The following CRPPA variants were observed in gnomAD, a reference collection of about 807,000 sequenced individuals.
CRPPA encodes the protein CDP-L-ribitol pyrophosphorylase A.
Under a neutral mutation model 52.0 loss-of-function variants are expected in CRPPA, and 43 were observed. That is an observed-to-expected ratio of 0.83 (90% CI 0.65 to 1.07). The LOEUF (loss-of-function observed/expected upper bound fraction) is 1.07. Among genes scored for constraint, CRPPA ranks in the 50% least tolerant of loss-of-function variants. The probability of loss-of-function intolerance (pLI) is 0.00; values close to 1 mark genes in which losing one functional copy is unlikely to be tolerated. For missense variants in CRPPA, 629 were observed against 551.7 expected (o/e 1.14, Z -1.40); for synonymous variants, 250 against 203.5 (o/e 1.23, Z -1.94).
chr7:16,318,697 A>G (rs2128426854), intron 3 of CRPPA, among the ~76,000 whole-genome samples: 1 of 152,254 alleles, frequency 6.6e-6, no homozygotes, highest in East Asian at 1.9e-4. Context: ...TAAGGCAATA[A>G]AAGTAGCAAA....
chr7:16,093,481 G>T (rs1055467837), intron 9 of CRPPA, among the ~76,000 whole-genome samples: 1 of 152,160 alleles, frequency 6.6e-6, no homozygotes, highest in African/African-American at 2.4e-5. Flanking sequence ...GGCCATCTCT[G>T]CTTAAAGTGC....
chr7:16,095,012 A>G (rs80108752), intron 9 of CRPPA, among the ~76,000 whole-genome samples: 3,894 of 152,262 alleles, frequency 0.026, 119 homozygotes, highest in East Asian at 0.14. Context: ...TAATACATCA[A>G]TGTTGGTACA....
intron 5 of CRPPA, among the ~76,000 whole-genome samples, chr7:16,294,287 T>C (rs1784627284): frequency 6.6e-6 from 1 of 151,934 alleles, no homozygotes; most frequent in Admixed American, 6.6e-5. Flanking sequence ...CTGGCTTTTG[T>C]CTGATATCAA....
intron 2 of CRPPA, among the ~76,000 whole-genome samples, chr7:16,398,413 G>A (rs562265078): frequency 6.6e-6 from 1 of 152,094 alleles, no homozygotes; most frequent in East Asian, 1.9e-4. Flanking sequence ...CAACATAAGT[G>A]ATTCACACAT....
intron 9 of CRPPA, among the ~76,000 whole-genome samples, chr7:16,103,944 G>T (rs1481734895): frequency 3.3e-5 from 5 of 151,968 alleles, no homozygotes; most frequent in Admixed American, 6.6e-5. Flanking sequence ...TAAACTTAAT[G>T]CAAAAAAAAG....
intron 8 of CRPPA, among the ~76,000 whole-genome samples, chr7:16,217,099 C>G (rs761937579): frequency 5.2e-4 from 78 of 149,670 alleles, no homozygotes; most frequent in East Asian, 1.4e-3. Context: ...GATCTGAGAA[C>G]GGGCAGACTG....
chr7:16,131,233 T>C (rs1309989722), intron 9 of CRPPA, among the ~76,000 whole-genome samples: 3 of 152,172 alleles, frequency 2.0e-5, no homozygotes, highest in South Asian at 4.2e-4. Context: ...TTGAGGTGCA[T>C]ACAAGAAAAA....
intron 9 of CRPPA, among the ~76,000 whole-genome samples, chr7:16,206,166 C>T (rs997732400): frequency 6.6e-6 from 1 of 152,064 alleles, no homozygotes; most frequent in Non-Finnish European, 1.5e-5. Context: ...TATATTTTCA[C>T]AGAAGCATAT....
chr7:16,314,087 G>A (rs1198639176), intron 3 of CRPPA, among the ~76,000 whole-genome samples: 1 of 151,752 alleles, frequency 6.6e-6, no homozygotes, highest in Non-Finnish European at 1.5e-5. Flanking sequence ...GCCCATTTCT[G>A]ACAGAGGGGT....
rs1433858083 is a variant in CRPPA at position 16,234,634 on chromosome 7, CCTT to C, written c.1120-18440_1120-18438del. On this transcript the variant is annotated intron_variant, in intron 8 of 9. Transcript: ENST00000407010. ...TTTTATTATTTCCTCATATCTGCCTCCTTCTTTTCTGCAAGTCATCACAAAGCA... is the reference window on the plus strand; with the variant it reads ...TTTTATTATTTCCTCATATCTGCCTCCTTTTCTGCAAGTCATCACAAAGCA... Among the ~76,000 whole-genome samples the C allele has an allele frequency of 9.9e-5, 15 of 152,062 alleles. 1 individual carries two copies. The highest frequency in any genetic ancestry group is 9.8e-4 in the Admixed American group (15 of 15,242).
At chr7:16,130,596 A>G (rs1782662814) in intron 9 of CRPPA, among the ~76,000 whole-genome samples, 1 of 152,196 alleles carries the variant, frequency 6.6e-6, no homozygotes, top group African/African-American at 2.4e-5. Context: ...AAATTGCAGG[A>G]TTTGGAAGGC....
intron 8 of CRPPA, among the ~76,000 whole-genome samples, chr7:16,254,811 A>C (rs1783580082): frequency 6.8e-6 from 1 of 146,762 alleles, no homozygotes; most frequent in African/African-American, 2.5e-5. Flanking sequence ...GAAAGAAAGA[A>C]AGAAAGAAAG....
Position 16,123,701 on chromosome 7 carries a change from G to A in CRPPA, c.1252-31902C>T, listed in dbSNP as rs17169272. Among the ~76,000 whole-genome samples, 235 of 152,176 alleles carry A rather than the reference G, an allele frequency of 1.5e-3. No individual in the cohort carries two copies. The East Asian group carries it at 0.021, about 13-fold the overall frequency. On this transcript the variant is annotated intron_variant, in intron 9 of 9. Coordinates refer to ENST00000407010, the MANE Select transcript of CRPPA (RefSeq NM_001101426.4). ...ACAGCACATTAAACTCTGGAAATCC[G>A]TGAGTCGAGGATTTAAGGGAGATTC...
chr7:16,344,895 G>A (rs185066744), intron 3 of CRPPA, among the ~76,000 whole-genome samples: 2 of 151,512 alleles, frequency 1.3e-5, no homozygotes, highest in East Asian at 1.9e-4. Flanking sequence ...CATAATGGGA[G>A]AACCACCCAG....
At chr7:16,266,075 G>A (rs1457802329) in intron 6 of CRPPA, among the ~76,000 whole-genome samples, 1 of 152,190 alleles carries the variant, frequency 6.6e-6, no homozygotes, top group Non-Finnish European at 1.5e-5. Context: ...TCCGGGGGAA[G>A]GGGTGTCGGG....
intron 8 of CRPPA, among the ~76,000 whole-genome samples, chr7:16,238,715 T>G (rs1783018218): frequency 6.6e-6 from 1 of 152,226 alleles, no homozygotes; most frequent in Non-Finnish European, 1.5e-5. Flanking sequence ...ATCACCTGAT[T>G]CATGTTTAAC....
At chr7:16,190,058 T>C (rs1057021014) in intron 9 of CRPPA, among the ~76,000 whole-genome samples, 1 of 152,142 alleles carries the variant, frequency 6.6e-6, no homozygotes, top group Non-Finnish European at 1.5e-5. Context: ...TTCACCATAG[T>C]CTTACAAGAT....
chr7:16,323,021 T>C (rs1785297157), intron 3 of CRPPA, among the ~76,000 whole-genome samples: 1 of 152,070 alleles, frequency 6.6e-6, no homozygotes, highest in South Asian at 2.1e-4. Context: ...GAGAACAGCA[T>C]GGGGGAACCG....
intron 9 of CRPPA, among the ~76,000 whole-genome samples, chr7:16,162,995 A>T: frequency 1.9e-5 from 2 of 106,456 alleles, no homozygotes; most frequent in African/African-American, 7.2e-5. Flanking sequence ...TTTTTTTGAG[A>T]CGGAGTCTCG....
Sources: allele counts gnomAD v4.1 joint callset (sites outside exome capture counted in the v4.1 genomes callset), GRCh38; gene constraint gnomAD v4.1.1; transcripts MANE v1.5; gene names NCBI Gene and HGNC (gene_info 2026-07-23, HGNC 2026-07-21).